The following OR2L13 variants were observed in gnomAD, a reference collection of about 807,000 sequenced individuals.
OR2L13 encodes the protein olfactory receptor family 2 subfamily L member 13, also known as olfactory receptor 2L13.
Under a neutral mutation model 15.3 loss-of-function variants are expected in OR2L13, and 14 were observed. The observed-to-expected ratio is 0.91, with a 90% CI of 0.60 to 1.43. The LOEUF (loss-of-function observed/expected upper bound fraction) is 1.43, where lower values mean the gene tolerates loss of function less well. Ranked by LOEUF, OR2L13 falls within the 40% of genes most tolerant of loss-of-function variation. OR2L13 has a pLI of 0.00. For missense variants in OR2L13, 367 were observed against 387.9 expected, an observed-to-expected ratio of 0.95 and a Z score of 0.45; for synonymous variants, 152 against 142.9, an observed-to-expected ratio of 1.06 and a Z score of -0.45.
the OR2L13 span, among the ~76,000 whole-genome samples, chr1:248,024,883 G>A: frequency 3.6e-3 from 543 of 152,176 alleles, 5 homozygotes; most frequent in African/African-American, 0.012. Context: ...TTGACTTGGC[G>A]ATGCGGGCTC....
chr1:247,939,074 T>G, the OR2L13 span: 24 of 152,202 alleles, frequency 1.6e-4, no homozygotes, highest in African/African-American at 5.3e-4. Context: ...AAGGTAAAAT[T>G]TTGTATTCGC....
At chr1:248,080,069 T>C in the OR2L13 span, among the ~76,000 whole-genome samples, 1 of 152,116 alleles carries the variant, frequency 6.6e-6, no homozygotes, top group African/African-American at 2.4e-5. Context: ...AGGTATCGAC[T>C]TGGAAGAGAC....
the OR2L13 span, chr1:247,949,574 C>T: frequency 6.2e-7 from 1 of 1,614,106 alleles, no homozygotes; most frequent in Non-Finnish European, 8.5e-7. Context: ...CCTATTTGAC[C>T]TGCAGCACCC....
chr1:248,044,911 T>G, the OR2L13 span, among the ~76,000 whole-genome samples: 2 of 151,542 alleles, frequency 1.3e-5, no homozygotes, highest in African/African-American at 4.8e-5. Context: ...TGACCTATGA[T>G]TATTAAACTT....
chr1:248,053,465 C>T, the OR2L13 span, among the ~76,000 whole-genome samples: 3 of 152,170 alleles, frequency 2.0e-5, no homozygotes, highest in East Asian at 1.9e-4. Flanking sequence ...TTTGGGTATA[C>T]ACCCAGTAAC....
At chr1:248,073,008 A>G in the OR2L13 span, among the ~76,000 whole-genome samples, 4 of 151,558 alleles carry the variant, frequency 2.6e-5, no homozygotes, top group Non-Finnish European at 2.9e-5. Context: ...AGAAATAGGA[A>G]CACTTTTACA....
the OR2L13 span, chr1:248,061,521 C>A: frequency 6.2e-7 from 1 of 1,613,916 alleles, no homozygotes; most frequent in African/African-American, 1.3e-5. Context: ...ACACCACCCT[C>A]ACTCCAATGC....
chr1:248,097,844 C>A (rs919759243), intron 1 of OR2L13, among the ~76,000 whole-genome samples: 1 of 152,192 alleles, frequency 6.6e-6, no homozygotes. Context: ...TTGGGCATCC[C>A]CTAAGGCCTG....
chr1:247,993,813 A>AGAGAGAG, the OR2L13 span, among the ~76,000 whole-genome samples: 1 of 77,874 alleles, frequency 1.3e-5, no homozygotes, highest in Non-Finnish European at 2.7e-5. Context: ...GAGAGAGAGA[A>AGAGAGAG]AGAAAGAGAA....
At chr1:247,967,900 G>C in the OR2L13 span, among the ~76,000 whole-genome samples, 1 of 145,604 alleles carries the variant, frequency 6.9e-6, no homozygotes, top group African/African-American at 2.5e-5. Flanking sequence ...CTCCTTCCTC[G>C]TCCTCTTCCT....
chr1:247,984,882 C>A, the OR2L13 span, among the ~76,000 whole-genome samples: 1 of 152,120 alleles, frequency 6.6e-6, no homozygotes, highest in African/African-American at 2.4e-5. Flanking sequence ...CACAATTATT[C>A]TCCCTGTCTC....
chr1:248,022,169 T>C, the OR2L13 span: 7 of 1,614,028 alleles, frequency 4.3e-6, no homozygotes, highest in East Asian at 6.7e-5. Flanking sequence ...ATTACATCTC[T>C]ACGATTGTTC....
At chr1:247,952,460 G>A in the OR2L13 span, among the ~76,000 whole-genome samples, 2 of 152,118 alleles carry the variant, frequency 1.3e-5, no homozygotes, top group African/African-American at 2.4e-5. Context: ...AAGGAGGCTC[G>A]AGGGAGCTTG....
rs773293752 is a variant in OR2L13, at chr1:248,100,196, C to A, written c.821C>A (p.Ala274Glu). ...TCACCAGCTGAAGACAAGATCCTGG[C>A]AGTCTTCTACACCATCCTTACCCCC... Residue 274 changes from alanine to glutamate, a missense_variant, in exon 3 of 3, where the codon GCA becomes GAA. Coordinates refer to ENST00000641714, the Ensembl canonical transcript of OR2L13. 3 of 1,613,126 alleles carry A rather than the reference C, an allele frequency of 1.9e-6. No homozygotes were observed. The East Asian group carries it at 6.7e-5, about 36-fold the overall frequency.
At chr1:248,031,681 T>G in the OR2L13 span, among the ~76,000 whole-genome samples, 1 of 152,188 alleles carries the variant, frequency 6.6e-6, no homozygotes, top group Non-Finnish European at 1.5e-5. Flanking sequence ...TTCTTCAAGG[T>G]TCCTTCTCTA....
At chr1:248,022,119 A>AT in the OR2L13 span, 2 of 1,613,866 alleles carry the variant, frequency 1.2e-6, no homozygotes, top group South Asian at 2.2e-5. Context: ...CCACACACCC[A>AT]TGTATTTCCT....
chr1:248,097,671 G>A (rs989890394), intron 1 of OR2L13, among the ~76,000 whole-genome samples: 1 of 152,178 alleles, frequency 6.6e-6, no homozygotes, highest in African/African-American at 2.4e-5. Flanking sequence ...ACAACTCCAG[G>A]ATGGAACACA....
chr1:247,954,337 G>A, the OR2L13 span, among the ~76,000 whole-genome samples: 2 of 152,046 alleles, frequency 1.3e-5, no homozygotes, highest in South Asian at 4.1e-4. Context: ...TTACAGCATG[G>A]TAAGAAAATG....
chr1:247,982,382 T>A, the OR2L13 span, among the ~76,000 whole-genome samples: 11,691 of 152,268 alleles, frequency 0.077, 672 homozygotes, highest in Non-Finnish European at 0.11. Context: ...AATCTTTGTC[T>A]TCTATGAATA....
Sources: allele counts gnomAD v4.1 joint callset (sites outside exome capture counted in the v4.1 genomes callset), GRCh38; gene constraint gnomAD v4.1.1; transcripts MANE v1.5; gene names NCBI Gene and HGNC (gene_info 2026-07-23, HGNC 2026-07-21).